Variants in RSPO2 observed in about 807,000 individuals in gnomAD.
RSPO2 encodes R-spondin-2.
A neutral mutation model predicts 30.9 loss-of-function variants in RSPO2; 14 were observed. The ratio of observed to expected loss-of-function variants is 0.45; its 90% CI spans 0.30 to 0.71. The LOEUF (loss-of-function observed/expected upper bound fraction) is 0.71, where lower values mean the gene tolerates loss of function less well. Among genes scored for constraint, RSPO2 ranks in the 30% least tolerant of loss-of-function variants. RSPO2 has a pLI of 0.08. For synonymous variants in RSPO2, 107 were observed against 96.4 expected, an observed-to-expected ratio of 1.11 and a Z score of -0.64; for missense variants, 264 against 301.9, an observed-to-expected ratio of 0.87 and a Z score of 0.93.
intron 2 of RSPO2, among the ~76,000 whole-genome samples, chr8:108,030,613 C>T (rs1447412829): frequency 2.0e-5 from 3 of 152,146 alleles, no homozygotes; most frequent in African/African-American, 7.2e-5. Context: ...CTTAAATACG[C>T]CTTACTCACT....
chr8:108,022,933 C>CAA lies in RSPO2; in HGVS notation c.95-33691_95-33690dup, dbSNP rs71562170. On this transcript the variant is annotated intron_variant, in intron 2 of 5. Coordinates refer to ENST00000276659, the MANE Select transcript of RSPO2 (RefSeq NM_178565.5). ...AGAACAAAACTGTCAAAAAAAAAAA[C>CAA]AAAAAAAAAAACCACACACACACTC... Among the ~76,000 whole-genome samples, 28 of 130,380 alleles carry CAA rather than the reference C, an allele frequency of 2.1e-4. 1 individual carries two copies. Among genetic ancestry groups the CAA allele is most frequent in the South Asian group, 7.5e-4 (3 of 3,996 alleles). The allele number at this position is 130,380 out of a possible 152,430, so 85.5% of individuals were successfully genotyped here.
intron 5 of RSPO2, among the ~76,000 whole-genome samples, chr8:107,941,212 C>A (rs1292748430): frequency 6.6e-6 from 1 of 152,056 alleles, no homozygotes; most frequent in Non-Finnish European, 1.5e-5. Flanking sequence ...GTGACACAAT[C>A]AGTCAGAATC....
chr8:107,944,593 T>G (rs1812996791), intron 5 of RSPO2, among the ~76,000 whole-genome samples: 1 of 152,196 alleles, frequency 6.6e-6, no homozygotes, highest in Non-Finnish European at 1.5e-5. Flanking sequence ...GCATTACATC[T>G]GAGCAATTCT....
At chr8:107,976,753 G>C (rs548135806) in intron 3 of RSPO2, among the ~76,000 whole-genome samples, 9 of 152,280 alleles carry the variant, frequency 5.9e-5, no homozygotes, top group African/African-American at 2.2e-4. Context: ...TGGCTGCACA[G>C]TCCACCATGA....
chr8:108,069,422 C>A (rs1302925146), intron 2 of RSPO2, among the ~76,000 whole-genome samples: 2 of 152,174 alleles, frequency 1.3e-5, no homozygotes, highest in Non-Finnish European at 2.9e-5. Context: ...CCATGTTGGC[C>A]AGGATGGTCG....
chr8:108,016,650 T>C (rs1194101692), intron 2 of RSPO2, among the ~76,000 whole-genome samples: 3 of 152,196 alleles, frequency 2.0e-5, no homozygotes, highest in African/African-American at 7.2e-5. Context: ...CTTCGCAAGG[T>C]TGATACGGTT....
At chr8:108,033,996 A>G (rs1811511085) in intron 2 of RSPO2, among the ~76,000 whole-genome samples, 1 of 152,226 alleles carries the variant, frequency 6.6e-6, no homozygotes, top group Non-Finnish European at 1.5e-5. Flanking sequence ...ACATGAAATC[A>G]TGGCATCTGT....
At chr8:108,047,800 A>G (rs1341322948) in intron 2 of RSPO2, among the ~76,000 whole-genome samples, 1 of 151,732 alleles carries the variant, frequency 6.6e-6, no homozygotes, top group African/African-American at 2.4e-5. Flanking sequence ...GCAGTGAACC[A>G]AGATCATGCC....
intron 2 of RSPO2, among the ~76,000 whole-genome samples, chr8:107,998,186 T>C (rs1234148909): frequency 6.6e-6 from 1 of 151,568 alleles, no homozygotes; most frequent in Non-Finnish European, 1.5e-5. Context: ...TCAAGATATG[T>C]ATTTAAGGAA....
chr8:108,027,386 A>G (rs541246639), intron 2 of RSPO2, among the ~76,000 whole-genome samples: 33 of 152,302 alleles, frequency 2.2e-4, no homozygotes, highest in African/African-American at 5.3e-4. Context: ...AAGCCACCAT[A>G]TAAGATTTAC....
At chr8:107,983,630 C>T in intron 3 of RSPO2, 1 of 1,596,244 alleles carries the variant, frequency 6.3e-7, no homozygotes. Context: ...GAGGAGCAGG[C>T]AACCAAAATT....
chr8:108,067,392 T>C (rs1043209163), intron 2 of RSPO2, among the ~76,000 whole-genome samples: 15 of 152,226 alleles, frequency 9.9e-5, no homozygotes, highest in African/African-American at 3.4e-4. Flanking sequence ...CTCAGAAATA[T>C]GTAGGGTGAA....
At chr8:107,938,205 CT>C (rs1812780843) in intron 5 of RSPO2, among the ~76,000 whole-genome samples, 1 of 152,010 alleles carries the variant, frequency 6.6e-6, no homozygotes, top group Non-Finnish European at 1.5e-5. Flanking sequence ...TTTTTAAAGT[CT>C]TTGTGAATTT....
intron 5 of RSPO2, among the ~76,000 whole-genome samples, chr8:107,946,703 A>G (rs1183457383): frequency 6.6e-6 from 1 of 152,226 alleles, no homozygotes; most frequent in East Asian, 1.9e-4. Flanking sequence ...GTTTGTATGC[A>G]TGTCCCTTTA....
At chr8:107,972,337 C>T (rs1039579453) in intron 3 of RSPO2, among the ~76,000 whole-genome samples, 2 of 151,832 alleles carry the variant, frequency 1.3e-5, no homozygotes, top group Admixed American at 6.6e-5. Context: ...GTAGAGATGG[C>T]GTTTCATCAC....
chr8:108,082,882 G>A (rs1393954092), intron 1 of RSPO2, 75 bp from the exon 2 acceptor site: 13 of 488,416 alleles, frequency 2.7e-5, no homozygotes, highest in East Asian at 1.0e-4. Context: ...GCCTTCGCAC[G>A]TCCCAATTTA....
chr8:107,925,374 T>C (rs189541189), intron 5 of RSPO2, among the ~76,000 whole-genome samples: 4 of 146,308 alleles, frequency 2.7e-5, no homozygotes, highest in African/African-American at 9.7e-5. Flanking sequence ...TGACAAAGGA[T>C]TTGTGTTTTT....
At chr8:107,944,728 T>C (rs1813000257) in intron 5 of RSPO2, among the ~76,000 whole-genome samples, 1 of 152,146 alleles carries the variant, frequency 6.6e-6, no homozygotes, top group South Asian at 2.1e-4. Context: ...AATTCACTCT[T>C]TCACCTCTCA....
intron 5 of RSPO2, among the ~76,000 whole-genome samples, chr8:107,931,288 G>A (rs772890907): frequency 9.9e-5 from 15 of 152,024 alleles, no homozygotes; most frequent in South Asian, 2.1e-4. Flanking sequence ...TATTCTCCCC[G>A]TATCCTCCAA....
Sources: gnomAD v4.1 joint callset for allele counts (sites outside exome capture counted in the v4.1 genomes callset) on GRCh38, gnomAD v4.1.1 for gene constraint, MANE v1.5 for transcripts, NCBI Gene and HGNC (gene_info 2026-07-23, HGNC 2026-07-21) for gene names.